Variants in GABRA3 observed in about 807,000 individuals in gnomAD.
GABRA3 encodes gamma-aminobutyric acid type A receptor subunit alpha3.
In GABRA3, 10 loss-of-function variants were observed where a neutral mutation model predicts 30.1. The observed-to-expected ratio is 0.33, with a 90% confidence interval of 0.20 to 0.56. The LOEUF is 0.56. Ranked by LOEUF, GABRA3 falls within the 20% of genes least tolerant of loss-of-function variation. GABRA3 has a pLI of 0.89. For synonymous variants in GABRA3, 151 were observed against 146.8 expected (o/e 1.03, Z -0.21); for missense variants, 233 against 392.0 (o/e 0.59, Z 3.42).
intron 4 of GABRA3, among the ~76,000 whole-genome samples, chrX:152,282,328 A>T (rs1356112901): frequency 9.0e-6 from 1 of 111,367 alleles, no homozygotes; most frequent in Non-Finnish European, 1.9e-5. Flanking sequence ...TCTTGGTGAA[A>T]CTAGTTGCCA....
chrX:152,377,961 T>C (rs1465585969), intron 1 of GABRA3, among the ~76,000 whole-genome samples: 1 of 111,814 alleles, frequency 8.9e-6, no homozygotes, highest in East Asian at 2.8e-4. Flanking sequence ...GACAAAACGA[T>C]CCCCCTGCAA....
intron 3 of GABRA3, among the ~76,000 whole-genome samples, chrX:152,308,089 C>A (rs771209917): frequency 2.8e-4 from 31 of 112,512 alleles, no homozygotes; most frequent in Non-Finnish European, 5.1e-4. Flanking sequence ...ATCTGAGTGC[C>A]CCTGGTCTGC....
chrX:152,171,921 C>T (rs1479925253), intron 9 of GABRA3, among the ~76,000 whole-genome samples: 1 of 111,499 alleles, frequency 9.0e-6, no homozygotes, highest in African/African-American at 3.3e-5. Context: ...AGTCTTCCTC[C>T]GATGATACTC....
At chrX:152,190,527 T>G (rs907084912) in intron 8 of GABRA3, among the ~76,000 whole-genome samples, 10 of 110,394 alleles carry the variant, frequency 9.1e-5, no homozygotes, top group African/African-American at 3.3e-4. Context: ...TTTTCTTTTT[T>G]TTTCTTTTCT....
intron 1 of GABRA3, among the ~76,000 whole-genome samples, chrX:152,415,993 A>G (rs58882108): frequency 0.42 from 45,943 of 109,885 alleles, 8,918 homozygotes; most frequent in African/African-American, 0.73. Flanking sequence ...CATTTTTTAA[A>G]AAAATAGACA....
rs1316120959 is a variant in GABRA3, at chrX:152,245,434, G to A, written c.551+10344C>T. Among the ~76,000 whole-genome samples the A allele has an allele frequency of 2.7e-5, 3 of 111,025 alleles. 1 individual carries two copies. The East Asian group carries it at 8.6e-4, about 32-fold the overall frequency. On this transcript the variant is annotated intron_variant, in intron 5 of 9. Transcript: ENST00000370314. ...CCAAACCAAGCAGCACATTAGTCAC[G>A]AGAATGCCAGTTGTCTGAGGTGTCC...
intron 9 of GABRA3, among the ~76,000 whole-genome samples, chrX:152,181,862 G>T (rs1374506733): frequency 9.0e-6 from 1 of 110,727 alleles, no homozygotes; most frequent in African/African-American, 3.3e-5. Context: ...CCATATGCAG[G>T]GAAAATTTAA....
At chrX:152,229,784 T>C (rs1172918402) in intron 5 of GABRA3, among the ~76,000 whole-genome samples, 1 of 111,199 alleles carries the variant, frequency 9.0e-6, no homozygotes, top group Non-Finnish European at 1.9e-5. Flanking sequence ...TGTGGGATTT[T>C]AAGCAGAGGG....
At chrX:152,352,429 A>T (rs1940492090) in intron 2 of GABRA3, among the ~76,000 whole-genome samples, 1 of 111,783 alleles carries the variant, frequency 8.9e-6, no homozygotes, top group African/African-American at 3.2e-5. Context: ...ACAATACATT[A>T]TCTTTTAGGC....
Position 152,224,743 on chromosome X carries a change from G to A in GABRA3, c.634+20C>T, listed in dbSNP as rs777929049. Reference sequence around the variant, plus strand: ...ATCAGGCAAAAAAAAAAGACAGAGAGAGAGAGAGAAAATACATACAGCTTC... The same window carrying A: ...ATCAGGCAAAAAAAAAAGACAGAGAAAGAGAGAGAAAATACATACAGCTTC... On this transcript the variant is annotated intron_variant, in intron 6 of 9. Transcript: ENST00000370314. The A allele has an allele frequency of 2.7e-6, 3 of 1,111,424 alleles. No individual in the cohort carries two copies. In the Admixed American group the frequency reaches 7.0e-5, roughly 26 times the overall value. 91.6% of individuals were successfully genotyped at this position (1,111,424 alleles called of 1,213,427 possible).
At chrX:152,265,904 A>T (rs1463280845) in intron 4 of GABRA3, among the ~76,000 whole-genome samples, 2 of 111,367 alleles carry the variant, frequency 1.8e-5, no homozygotes, top group African/African-American at 6.5e-5. Context: ...AGAAATTCTA[A>T]GACACATACA....
chrX:152,199,012 T>C (rs765187728), intron 7 of GABRA3, among the ~76,000 whole-genome samples: 1 of 111,186 alleles, frequency 9.0e-6, no homozygotes, highest in South Asian at 3.8e-4. Flanking sequence ...ACGACTAGTG[T>C]CCTTAGAAGA....
chrX:152,171,597 A>G (rs1937002918), intron 9 of GABRA3, among the ~76,000 whole-genome samples: 1 of 111,229 alleles, frequency 9.0e-6, no homozygotes, highest in African/African-American at 3.3e-5. Context: ...TAATATTCCT[A>G]CCCCCTAGCC....
chrX:152,232,604 A>C (rs959032311), intron 5 of GABRA3, among the ~76,000 whole-genome samples: 5 of 107,032 alleles, frequency 4.7e-5, no homozygotes, highest in African/African-American at 1.4e-4. Flanking sequence ...TCATTATTTT[A>C]TTGATAAATA....
intron 9 of GABRA3, among the ~76,000 whole-genome samples, chrX:152,178,611 CAAG>C (rs1937105067): frequency 8.9e-6 from 1 of 111,961 alleles, no homozygotes; most frequent in South Asian, 3.7e-4. Context: ...AAAATTTATA[CAAG>C]AAGTTATACA....
At chrX:152,344,523 A>T (rs989646569) in intron 3 of GABRA3, among the ~76,000 whole-genome samples, 1 of 111,994 alleles carries the variant, frequency 8.9e-6, no homozygotes, top group African/African-American at 3.2e-5. Flanking sequence ...AGTTGTTAAG[A>T]CTATTGGGTG....
At chrX:152,192,458 T>C (rs1378531122) in intron 8 of GABRA3, among the ~76,000 whole-genome samples, 1 of 111,717 alleles carries the variant, frequency 9.0e-6, no homozygotes, top group Non-Finnish European at 1.9e-5. Context: ...CACAGCCAAG[T>C]AGCCCACTGT....
intron 9 of GABRA3, among the ~76,000 whole-genome samples, chrX:152,172,562 C>A (rs1287200448): frequency 9.0e-6 from 1 of 111,294 alleles, no homozygotes; most frequent in Admixed American, 9.6e-5. Context: ...ATCGAGAGAA[C>A]AATAAACAAA....
At chrX:152,190,488 C>T (rs1039897417) in intron 8 of GABRA3, among the ~76,000 whole-genome samples, 2 of 110,851 alleles carry the variant, frequency 1.8e-5, no homozygotes, top group Non-Finnish European at 3.8e-5. Context: ...TTCTTGTTTA[C>T]TTCCTTCCCT....
Sources: gnomAD v4.1 joint callset for allele counts (sites outside exome capture counted in the v4.1 genomes callset) on GRCh38, gnomAD v4.1.1 for gene constraint, MANE v1.5 for transcripts, NCBI Gene and HGNC (gene_info 2026-07-23, HGNC 2026-07-21) for gene names.